The following SAMTOR variants were observed in gnomAD, a reference collection of about 807,000 sequenced individuals.
SAMTOR encodes the protein S-adenosylmethionine sensor upstream of mTORC1.
chr7:112,882,669 C>G, the SAMTOR span, among the ~76,000 whole-genome samples: 3 of 150,218 alleles, frequency 2.0e-5, no homozygotes, highest in African/African-American at 7.4e-5. Flanking sequence ...AGCCTGCCAA[C>G]AGAGCAAGAC....
At chr7:112,846,233 C>G in the SAMTOR span, among the ~76,000 whole-genome samples, 2 of 139,812 alleles carry the variant, frequency 1.4e-5, no homozygotes, top group African/African-American at 5.5e-5. Flanking sequence ...TTTACAAGTT[C>G]TTACAGGATT....
chr7:112,901,264 G>A, the SAMTOR span, among the ~76,000 whole-genome samples: 222 of 152,266 alleles, frequency 1.5e-3, no homozygotes, highest in Middle Eastern at 0.014. Context: ...CCCATTGCTC[G>A]CATTACTGCC....
At chr7:112,854,594 T>C in the SAMTOR span, among the ~76,000 whole-genome samples, 1 of 152,204 alleles carries the variant, frequency 6.6e-6, no homozygotes, top group African/African-American at 2.4e-5. Flanking sequence ...TCAATGAATG[T>C]AGGAAATGTA....
chr7:112,919,934 C>A, the SAMTOR span, among the ~76,000 whole-genome samples: 253 of 152,248 alleles, frequency 1.7e-3, 1 homozygote, highest in Non-Finnish European at 1.9e-3. Flanking sequence ...CAATAACAGG[C>A]TCTGAAATTG....
At chr7:112,845,464 G>A in the SAMTOR span, among the ~76,000 whole-genome samples, 2 of 151,968 alleles carry the variant, frequency 1.3e-5, no homozygotes, top group Non-Finnish European at 2.9e-5. Context: ...ATACATACAC[G>A]TGGCCAACAA....
the SAMTOR span, among the ~76,000 whole-genome samples, chr7:112,839,382 T>C: frequency 1.4e-4 from 22 of 151,854 alleles, 1 homozygote; most frequent in African/African-American, 4.8e-4. Flanking sequence ...TAAAAACAAC[T>C]TGATTTAGGC....
the SAMTOR span, among the ~76,000 whole-genome samples, chr7:112,860,259 G>A: frequency 6.6e-6 from 1 of 152,102 alleles, no homozygotes. Context: ...TTCACACAAC[G>A]ATTGACTAAT....
chr7:112,932,551 A>G, the SAMTOR span, among the ~76,000 whole-genome samples: 1 of 152,248 alleles, frequency 6.6e-6, no homozygotes, highest in South Asian at 2.1e-4. Context: ...TGTGCCTTAA[A>G]TCTACAAGGC....
chr7:112,925,028 A>C, the SAMTOR span, among the ~76,000 whole-genome samples: 1 of 152,220 alleles, frequency 6.6e-6, no homozygotes, highest in Non-Finnish European at 1.5e-5. Context: ...AAGTTCATTT[A>C]AGACATACAG....
chr7:112,824,519 T>A, the SAMTOR span, among the ~76,000 whole-genome samples: 1 of 151,812 alleles, frequency 6.6e-6, no homozygotes, highest in Admixed American at 6.6e-5. Context: ...CGCACCACCA[T>A]GCCTGGCTAA....
chr7:112,910,966 G>A, the SAMTOR span, among the ~76,000 whole-genome samples: 1 of 152,146 alleles, frequency 6.6e-6, no homozygotes, highest in African/African-American at 2.4e-5. Flanking sequence ...ATAAATTACA[G>A]ACAAGCACAA....
chr7:112,922,727 CCTGT>C, the SAMTOR span, among the ~76,000 whole-genome samples: 1 of 151,420 alleles, frequency 6.6e-6, no homozygotes, highest in Non-Finnish European at 1.5e-5. Flanking sequence ...CGGCAGCCGC[CCTGT>C]CTGAGAAGTG....
the SAMTOR span, among the ~76,000 whole-genome samples, chr7:112,877,404 C>G: frequency 6.6e-6 from 1 of 152,062 alleles, no homozygotes; most frequent in Non-Finnish European, 1.5e-5. Context: ...TACCAAATAC[C>G]CAAAAAGAGC....
chr7:112,887,413 G>T, the SAMTOR span, among the ~76,000 whole-genome samples: 1 of 151,958 alleles, frequency 6.6e-6, no homozygotes, highest in Non-Finnish European at 1.5e-5. Flanking sequence ...ATTTGGAAAT[G>T]GGAAAACTGG....
chr7:112,820,428 G>A, the SAMTOR span: 1 of 152,110 alleles, frequency 6.6e-6, no homozygotes, highest in South Asian at 2.1e-4. Flanking sequence ...TGATATTTCA[G>A]TGCAAAAACC....
At chr7:112,896,208 CGTGT>C in the SAMTOR span, among the ~76,000 whole-genome samples, 91 of 151,668 alleles carry the variant, frequency 6.0e-4, 4 homozygotes, top group East Asian at 0.012. Context: ...CGCGCACGCG[CGTGT>C]GTGTGTTTGT....
At chr7:112,921,525 A>G in the SAMTOR span, among the ~76,000 whole-genome samples, 9 of 150,004 alleles carry the variant, frequency 6.0e-5, no homozygotes, top group Admixed American at 6.0e-4. Context: ...ACCATTCAGG[A>G]CATAGGCATG....
the SAMTOR span, among the ~76,000 whole-genome samples, chr7:112,938,913 G>A: frequency 6.6e-6 from 1 of 152,132 alleles, no homozygotes; most frequent in African/African-American, 2.4e-5. Flanking sequence ...CAATACAAAC[G>A]GTATTTTCAG....
the SAMTOR span, among the ~76,000 whole-genome samples, chr7:112,919,468 T>C: frequency 1.3e-5 from 2 of 151,498 alleles, no homozygotes; most frequent in African/African-American, 2.4e-5. Context: ...GGGAAATTTA[T>C]AGCACTAAAT....
Sources: gnomAD v4.1 joint callset for allele counts (sites outside exome capture counted in the v4.1 genomes callset) on GRCh38, gnomAD v4.1.1 for gene constraint, MANE v1.5 for transcripts, NCBI Gene and HGNC (gene_info 2026-07-23, HGNC 2026-07-21) for gene names.